The following CSMD1 variants were observed in gnomAD, a reference collection of about 807,000 sequenced individuals.
CSMD1 encodes the protein CUB and sushi domain-containing protein 1.
Under a neutral mutation model 417.5 loss-of-function variants are expected in CSMD1, and 213 were observed. The ratio of observed to expected loss-of-function variants is 0.51; its 90% confidence interval spans 0.46 to 0.57. The LOEUF is 0.57. Among genes scored for constraint, CSMD1 ranks in the 20% least tolerant of loss-of-function variants. CSMD1 has a pLI of 0.00. For missense variants in CSMD1, 6,923 were observed against 4,529.7 expected, an observed-to-expected ratio of 1.53 and a Z score of -15.17; for synonymous variants, 2,862 against 1,736.8, an observed-to-expected ratio of 1.65 and a Z score of -16.11.
At chr8:4,165,602 T>C (rs1253553054) in intron 3 of CSMD1, among the ~76,000 whole-genome samples, 1 of 152,176 alleles carries the variant, frequency 6.6e-6, no homozygotes, top group Non-Finnish European at 1.5e-5. Flanking sequence ...ATGGTCTCAC[T>C]ATGTTGCCCA....
intron 5 of CSMD1, among the ~76,000 whole-genome samples, chr8:3,956,862 C>T (rs1328327115): frequency 3.3e-5 from 5 of 152,112 alleles, no homozygotes; most frequent in Non-Finnish European, 7.3e-5. Context: ...ACTAGGAACT[C>T]CTTGGAATGC....
chr8:3,758,423 G>T lies in CSMD1; in HGVS notation c.819-4381C>A, dbSNP rs375049387. ...CTTTTGCGTTAAACAAATGTTCATA[G>T]ACTTTTGTTGTTTGTTTGGGAAAGG... On this transcript the variant is annotated intron_variant, in intron 5 of 69. Coordinates refer to ENST00000635120, the MANE Select transcript of CSMD1 (RefSeq NM_033225.6). 5.3e-5 allele frequency among the ~76,000 whole-genome samples: 8 copies of T among 152,294 alleles called. No individual in the cohort carries two copies. In the East Asian group the frequency reaches 1.5e-3, roughly 29 times the overall value.
chr8:3,770,227 G>C (rs532021609), intron 5 of CSMD1, among the ~76,000 whole-genome samples: 3 of 152,116 alleles, frequency 2.0e-5, no homozygotes, highest in East Asian at 1.9e-4. Context: ...TCTTTCCTTG[G>C]TGCAAGAAAA....
chr8:4,069,812 C>G (rs937467062), intron 3 of CSMD1, among the ~76,000 whole-genome samples: 2 of 152,222 alleles, frequency 1.3e-5, no homozygotes, highest in African/African-American at 2.4e-5. Flanking sequence ...CTCGACAACT[C>G]ACTACTGAAA....
chr8:3,291,662 C>G (rs944783922), intron 25 of CSMD1, among the ~76,000 whole-genome samples: 2 of 152,048 alleles, frequency 1.3e-5, no homozygotes, highest in East Asian at 1.9e-4. Context: ...TCTGTGGGAT[C>G]GGTGGTGATA....
chr8:4,852,187 G>C (rs1156873898), intron 1 of CSMD1, among the ~76,000 whole-genome samples: 3 of 152,178 alleles, frequency 2.0e-5, no homozygotes, highest in Admixed American at 6.5e-5. Context: ...TTCTATAACA[G>C]TAAACATACT....
chr8:4,752,972 T>G (rs1480915500), intron 1 of CSMD1, among the ~76,000 whole-genome samples: 1 of 152,176 alleles, frequency 6.6e-6, no homozygotes, highest in Non-Finnish European at 1.5e-5. Flanking sequence ...AATCATTACT[T>G]TAAAATACAA....
intron 20 of CSMD1, among the ~76,000 whole-genome samples, chr8:3,366,045 A>T (rs1372671996): frequency 1.3e-5 from 2 of 152,328 alleles, no homozygotes; most frequent in African/African-American, 4.8e-5. Flanking sequence ...GGAATTTATG[A>T]GATCTCAAAA....
chr8:4,454,048 T>A (rs1005610778), intron 2 of CSMD1, among the ~76,000 whole-genome samples: 4 of 151,974 alleles, frequency 2.6e-5, no homozygotes, highest in African/African-American at 9.7e-5. Flanking sequence ...GGTCTCGATC[T>A]CCTGACCTCG....
Position 3,408,055 on chromosome 8 carries a change from C to T in CSMD1, c.1915G>A (p.Ala639Thr), listed in dbSNP as rs779494957. Residue 639 changes from alanine (A) to threonine (T), a missense_variant, in exon 14 of 70, where the codon GCG becomes ACG. Physicochemically the swap from Ala to Thr is moderately conservative, Grantham distance 58 (BLOSUM62 0). Transcript: ENST00000635120. ...FDVEPQFDFLAVKDDGISDIT... is the reference protein window; with the variant it reads ...FDVEPQFDFLTVKDDGISDIT... Reference sequence around the variant, plus strand: ...TCAGAAATGCCATCATCCTTGACCGCGAGAAAGTCAAACTGAGGCTCAACA... The same window carrying T: ...TCAGAAATGCCATCATCCTTGACCGTGAGAAAGTCAAACTGAGGCTCAACA... 30 of 1,613,804 alleles carry T rather than the reference C, an allele frequency of 1.9e-5. 1 individual carries two copies. The highest frequency in any genetic ancestry group is 8.3e-5 in the Admixed American group (5 of 60,004).
intron 6 of CSMD1, among the ~76,000 whole-genome samples, chr8:3,724,413 T>G (rs906222072): frequency 6.6e-6 from 1 of 152,216 alleles, no homozygotes; most frequent in Admixed American, 6.5e-5. Context: ...TATTGTCACT[T>G]TTAAATGAAG....
intron 1 of CSMD1, among the ~76,000 whole-genome samples, chr8:4,799,210 T>A (rs934186159): frequency 6.6e-6 from 1 of 152,142 alleles, no homozygotes; most frequent in African/African-American, 2.4e-5. Context: ...AAAAATGTTT[T>A]GAAAACTGTA....
intron 5 of CSMD1, among the ~76,000 whole-genome samples, chr8:3,805,878 T>C (rs1800706431): frequency 6.6e-6 from 1 of 152,120 alleles, no homozygotes; most frequent in Non-Finnish European, 1.5e-5. Flanking sequence ...AGATTTCTAT[T>C]CTGGGGCAAA....
At chr8:4,815,861 A>T (rs1799176804) in intron 1 of CSMD1, among the ~76,000 whole-genome samples, 1 of 152,158 alleles carries the variant, frequency 6.6e-6, no homozygotes, top group Admixed American at 6.5e-5. Context: ...GGTTGTTTTA[A>T]AGAGTGGGAC....
intron 5 of CSMD1, among the ~76,000 whole-genome samples, chr8:3,890,101 TA>T (rs1477104788): frequency 6.6e-6 from 1 of 152,196 alleles, no homozygotes. Context: ...ACAAATGAGA[TA>T]ATCTGATAAT....
intron 49 of CSMD1, 27 bp downstream of exon 49, chr8:3,087,070 G>A: frequency 6.3e-7 from 1 of 1,592,160 alleles, no homozygotes; most frequent in Non-Finnish European, 8.6e-7. Flanking sequence ...CAGGAAACAA[G>A]GCTGGGGATG....
chr8:4,063,707 G>A (rs755623849), intron 3 of CSMD1, among the ~76,000 whole-genome samples: 2 of 152,194 alleles, frequency 1.3e-5, no homozygotes, highest in Non-Finnish European at 2.9e-5. Context: ...TGCTACCTAA[G>A]TAAGGAGTCC....
rs1465264070 is a variant in CSMD1, at chr8:3,206,523, G to A, written c.4868-903C>T. On this transcript the variant is annotated intron_variant, in intron 30 of 69. Transcript: ENST00000635120. Reference sequence around the variant, plus strand: ...GTATGTGTGTGTGGTGTATGTCTGCGTGTGTATGTATGTGTGTGTGGGAGG... The same window carrying A: ...GTATGTGTGTGTGGTGTATGTCTGCATGTGTATGTATGTGTGTGTGGGAGG... 5.0e-5 allele frequency among the ~76,000 whole-genome samples: 7 copies of A among 138,650 alleles called. No homozygotes were observed. In the East Asian group the frequency reaches 9.1e-4, roughly 18 times the overall value. 91.0% of individuals were successfully genotyped at this position (138,650 alleles called of 152,430 possible).
chr8:4,035,697 T>G (rs920669108), intron 3 of CSMD1, among the ~76,000 whole-genome samples: 4 of 152,248 alleles, frequency 2.6e-5, no homozygotes, highest in Admixed American at 2.6e-4. Flanking sequence ...GCAAGGTTTA[T>G]GTTTTCAGTT....
Sources: gnomAD v4.1 joint callset for allele counts (sites outside exome capture counted in the v4.1 genomes callset) on GRCh38, gnomAD v4.1.1 for gene constraint, MANE v1.5 for transcripts, NCBI Gene and HGNC (gene_info 2026-07-23, HGNC 2026-07-21) for gene names.